The following GLRB variants were observed in gnomAD, a reference collection of about 807,000 sequenced individuals.
GLRB encodes the protein glycine receptor beta.
GLRB carries 33 observed loss-of-function variants against 54.2 expected under a neutral mutation model. The ratio of observed to expected loss-of-function variants is 0.61; its 90% confidence interval spans 0.46 to 0.81. The LOEUF (loss-of-function observed/expected upper bound fraction) is 0.81, where lower values mean the gene tolerates loss of function less well. GLRB is among the 40% of genes least tolerant of loss of function. GLRB has a pLI of 0.00. For synonymous variants in GLRB, 209 were observed against 208.2 expected, an observed-to-expected ratio of 1.00 and a Z score of -0.03; for missense variants, 572 against 584.6, an observed-to-expected ratio of 0.98 and a Z score of 0.22.
intron 2 of GLRB, among the ~76,000 whole-genome samples, chr4:157,087,787 C>CTT (rs35300316): frequency 4.0e-5 from 6 of 149,060 alleles, no homozygotes; most frequent in East Asian, 3.9e-4. Context: ...GAAATGTATC[C>CTT]TTTTTTTTTT....
chr4:157,168,230 G>T (rs889525947), intron 9 of GLRB, among the ~76,000 whole-genome samples: 1 of 151,838 alleles, frequency 6.6e-6, no homozygotes, highest in African/African-American at 2.4e-5. Context: ...TTCACACTCA[G>T]TTGAGCTCTC....
At chr4:157,165,461 A>G (rs2126630015) in intron 9 of GLRB, among the ~76,000 whole-genome samples, 1 of 152,144 alleles carries the variant, frequency 6.6e-6, no homozygotes, top group South Asian at 2.1e-4. Context: ...TTTGGATTGT[A>G]GGAAATGTTT....
chr4:157,095,210 G>T (rs1734761736), intron 2 of GLRB, among the ~76,000 whole-genome samples: 1 of 150,748 alleles, frequency 6.6e-6, no homozygotes, highest in African/African-American at 2.4e-5. Context: ...ACTATGGAAA[G>T]AGTGATAGAT....
chr4:157,143,199 G>T (rs768245965), intron 7 of GLRB, among the ~76,000 whole-genome samples: 26 of 152,002 alleles, frequency 1.7e-4, no homozygotes, highest in Non-Finnish European at 1.5e-4. Context: ...GAATTGAGAG[G>T]AATATCCGAT....
chr4:157,124,398 T>C (rs1438366829), intron 4 of GLRB, among the ~76,000 whole-genome samples: 1 of 151,834 alleles, frequency 6.6e-6, no homozygotes, highest in South Asian at 2.1e-4. Flanking sequence ...AATTAAATTA[T>C]TTTTGTGTGT....
chr4:157,159,915 C>T (rs1182238885), intron 9 of GLRB, among the ~76,000 whole-genome samples: 1 of 152,136 alleles, frequency 6.6e-6, no homozygotes, highest in Non-Finnish European at 1.5e-5. Context: ...ATGGTACCAA[C>T]TCCTCTTTGT....
At chr4:157,091,028 G>A (rs1464734296) in intron 2 of GLRB, among the ~76,000 whole-genome samples, 4 of 151,898 alleles carry the variant, frequency 2.6e-5, no homozygotes, top group Non-Finnish European at 5.9e-5. Context: ...GTTTTTCTAT[G>A]GTGTTGCATG....
chr4:157,095,864 T>C (rs756273430), intron 2 of GLRB, among the ~76,000 whole-genome samples: 12 of 152,040 alleles, frequency 7.9e-5, no homozygotes, highest in Non-Finnish European at 1.5e-4. Flanking sequence ...CATGCTCGAA[T>C]ATTTACTGTG....
chr4:157,102,298 C>A (rs1735060165), intron 2 of GLRB, among the ~76,000 whole-genome samples: 1 of 152,162 alleles, frequency 6.6e-6, no homozygotes, highest in African/African-American at 2.4e-5. Flanking sequence ...ATTTATTCAT[C>A]TTGTATAATT....
At chr4:157,117,914 T>C (rs1369213022) in intron 2 of GLRB, among the ~76,000 whole-genome samples, 1 of 151,700 alleles carries the variant, frequency 6.6e-6, no homozygotes, top group Non-Finnish European at 1.5e-5. Flanking sequence ...ATATATTTAT[T>C]AGTTCATGTT....
At chr4:157,081,856 T>C (rs1734232975) in intron 2 of GLRB, among the ~76,000 whole-genome samples, 1 of 152,152 alleles carries the variant, frequency 6.6e-6, no homozygotes, top group African/African-American at 2.4e-5. Context: ...CACCATAGTG[T>C]TCTGGATAAG....
intron 2 of GLRB, among the ~76,000 whole-genome samples, chr4:157,090,280 G>T (rs1157748749): frequency 1.3e-5 from 2 of 152,102 alleles, no homozygotes; most frequent in Non-Finnish European, 2.9e-5. Context: ...TAACTGTACG[G>T]ATATTAACAT....
intron 6 of GLRB, among the ~76,000 whole-genome samples, chr4:157,137,293 T>C (rs145045380): frequency 6.6e-6 from 1 of 152,266 alleles, no homozygotes; most frequent in East Asian, 1.9e-4. Flanking sequence ...GCATTCATTC[T>C]CTATGAAAGT....
At chr4:157,078,437 T>G (rs991790739) in intron 2 of GLRB, 2 of 162,368 alleles carry the variant, frequency 1.2e-5, no homozygotes, top group African/African-American at 4.8e-5. Flanking sequence ...TTTCTTATGC[T>G]AAATGTGCTG....
At chr4:157,098,837 A>G (rs1427627496) in intron 2 of GLRB, among the ~76,000 whole-genome samples, 1 of 151,918 alleles carries the variant, frequency 6.6e-6, no homozygotes, top group Non-Finnish European at 1.5e-5. Flanking sequence ...CGAACTCCTG[A>G]CCTCAGGCAA....
intron 9 of GLRB, among the ~76,000 whole-genome samples, chr4:157,160,671 G>C (rs1737446400): frequency 6.6e-6 from 1 of 151,946 alleles, no homozygotes; most frequent in Non-Finnish European, 1.5e-5. Flanking sequence ...CTGAGTTCTA[G>C]TTTGATTGCA....
chr4:157,139,387 G>T (rs1246124224), intron 7 of GLRB, among the ~76,000 whole-genome samples: 1 of 152,008 alleles, frequency 6.6e-6, no homozygotes, highest in Non-Finnish European at 1.5e-5. Context: ...AAAAAGCATT[G>T]ATCCTTATGC....
intron 3 of GLRB, among the ~76,000 whole-genome samples, chr4:157,121,363 C>T (rs2126532297): frequency 6.6e-6 from 1 of 151,228 alleles, no homozygotes; most frequent in Admixed American, 6.6e-5. Context: ...TAGAAAAAAG[C>T]TGTATGAAAA....
chr4:157,105,490 C>A (rs893292549), intron 2 of GLRB, among the ~76,000 whole-genome samples: 12 of 151,914 alleles, frequency 7.9e-5, no homozygotes, highest in African/African-American at 2.9e-4. Flanking sequence ...AAATGTAGTT[C>A]TTCTGCTGTT....
Sources: allele counts gnomAD v4.1 joint callset (sites outside exome capture counted in the v4.1 genomes callset), GRCh38; gene constraint gnomAD v4.1.1; transcripts MANE v1.5; gene names NCBI Gene and HGNC (gene_info 2026-07-23, HGNC 2026-07-21).